The following GDNF variants were observed in gnomAD, a reference collection of about 807,000 sequenced individuals.
GDNF encodes glial cell line-derived neurotrophic factor.
In GDNF, 5 loss-of-function variants were observed where a neutral mutation model predicts 13.7. That is an observed-to-expected ratio of 0.36 (90% CI 0.19 to 0.77). The LOEUF (loss-of-function observed/expected upper bound fraction) is 0.77. Ranked by LOEUF, GDNF falls within the 30% of genes least tolerant of loss-of-function variation. The probability of loss-of-function intolerance (pLI) is 0.51; values close to 1 mark genes in which losing one functional copy is unlikely to be tolerated. For missense variants in GDNF, 246 were observed against 274.3 expected (o/e 0.90, Z 0.73); for synonymous variants, 122 against 112.5 (o/e 1.08, Z -0.53).
rs1444904467 is a variant in GDNF, at chr5:37,813,887, A to C, written c.*1764T>G. On this transcript the variant is annotated 3_prime_UTR_variant, in exon 3 of 3. Transcript: ENST00000326524. ...CCGACCACCTTCATTTAAAGGCAGC[A>C]CGCTCCTAAGTATGAGGCTCCATGT... 1.3e-5 allele frequency: 2 copies of C among 152,940 alleles called. No homozygotes were observed. The highest frequency in any genetic ancestry group is 4.8e-5 in the African/African-American group (2 of 41,452). The allele number at this position is 152,940 out of a possible 1,614,324, so 9.5% of individuals were successfully genotyped here.
rs534435854 is a variant in GDNF at position 37,822,419 on chromosome 5, C to A, written c.152-6284G>T. Among the ~76,000 whole-genome samples, 4 of 152,266 alleles carry A rather than the reference C, an allele frequency of 2.6e-5. No individual in the cohort carries two copies. In the South Asian group the frequency reaches 8.3e-4, roughly 32 times the overall value. On this transcript the variant is annotated intron_variant, in intron 2 of 2. Transcript: ENST00000326524. ...CCATAGGGGTGAGCTGCTGCCTGAG[C>A]CAAGGCCACACAAGTGAGAGATACA...
At chr5:37,832,653 C>T (rs1200036393) in intron 2 of GDNF, among the ~76,000 whole-genome samples, 3 of 152,156 alleles carry the variant, frequency 2.0e-5, no homozygotes, top group Admixed American at 2.0e-4. Context: ...TACAACATGC[C>T]CTTGTCCCTG....
At position 37,837,407 on chromosome 5, in the gene GDNF, G is replaced by A. The variant is rs1581594383; in HGVS notation, c.-27+2100C>T. On this transcript the variant is annotated intron_variant, in intron 1 of 2. Transcript: ENST00000326524. The surrounding 1 kb of genome is among the most constrained non-coding windows in gnomAD (Gnocchi z 6.5). ...GGCAAGCTGGTCCCCTTCTGGGTCC[G>A]GGACCACCACGTCCCGGCAGGGCAA... Among the ~76,000 whole-genome samples the A allele has an allele frequency of 6.6e-6, 1 of 151,870 alleles. No homozygotes were observed. Among genetic ancestry groups the A allele is most frequent in the East Asian group, 2.0e-4 (1 of 5,094 alleles).
chr5:37,834,982 C>T, intron 1 of GDNF, 160 bp from the exon 2 acceptor site: 1 of 639,330 alleles, frequency 1.6e-6, no homozygotes, highest in Admixed American at 2.9e-5. Context: ...CCTTGCAAGT[C>T]CCCAGTTCGC....
In GDNF at chr5:37,815,873, C is replaced by T; in HGVS notation, c.414G>A (p.Glu138=). 2 of 1,614,138 alleles carry T rather than the reference C, an allele frequency of 1.2e-6. No individual in the cohort carries two copies. Among genetic ancestry groups the T allele is most frequent in the Non-Finnish European group, 1.7e-6 (2 of 1,180,000 alleles). The change falls in exon 3 of 3, where the codon GAG becomes GAA. Residue 138 remains glutamate (E), a synonymous_variant. Coordinates refer to ENST00000326524, the MANE Select transcript of GDNF (RefSeq NM_000514.4). This position sits in a 1 kb window ranked among gnomAD's most constrained non-coding sequence, Gnocchi z 5.0. Reference sequence around the variant, plus strand: ...CGCTGCAGTACCTAAAAATCAGTTCCTCCTTGGTTTCATAGCCCAGACCCA... The same window carrying T: ...CGCTGCAGTACCTAAAAATCAGTTCTTCCTTGGTTTCATAGCCCAGACCCA... ...TDLGLGYETK[E]ELIFRYCSGS... is the part of the protein sequence containing the mutation.
In GDNF at chr5:37,838,734, A is replaced by C. The variant is rs1314885928; in HGVS notation, c.-27+773T>G. Reference sequence around the variant, plus strand: ...CGGAATTAGCCTCGAGGTGGTGTAAAGTAGTGGCAGTGGTGGTGGGGTGTT... The same window carrying C: ...CGGAATTAGCCTCGAGGTGGTGTAACGTAGTGGCAGTGGTGGTGGGGTGTT... On this transcript the variant is annotated intron_variant, in intron 1 of 2. Transcript: ENST00000326524. This position sits in a 1 kb window ranked among gnomAD's most constrained non-coding sequence, Gnocchi z 4.1. Among the ~76,000 whole-genome samples, 1 of 152,230 alleles carries C rather than the reference A, an allele frequency of 6.6e-6. No individual in the cohort carries two copies. The highest frequency in any genetic ancestry group is 1.5e-5 in the Non-Finnish European group (1 of 68,036).
Position 37,838,639 on chromosome 5 carries a change from C to G in GDNF, c.-27+868G>C, listed in dbSNP as rs1021207232. On this transcript the variant is annotated intron_variant, in intron 1 of 2. Transcript: ENST00000326524. This position sits in a 1 kb window ranked among gnomAD's most constrained non-coding sequence, Gnocchi z 4.1. ...GGGCCCCAGGAAGCTGGCGGGAACC[C>G]GCGAAAGTCCGTTTCCAGCCCGAAG... is the stretch of plus-strand genomic sequence containing the variant. 1.3e-5 allele frequency among the ~76,000 whole-genome samples: 2 copies of G among 152,186 alleles called. No homozygotes were observed. Among genetic ancestry groups the G allele is most frequent in the Non-Finnish European group, 2.9e-5 (2 of 68,038 alleles).
chr5:37,824,137 T>C (rs576324854), intron 2 of GDNF: 1 of 553,918 alleles, frequency 1.8e-6, no homozygotes, highest in South Asian at 7.8e-5. Flanking sequence ...TGTATCTGCA[T>C]ATGAAAGCAT....
In GDNF at chr5:37,838,987, G is replaced by T. The variant is rs546230069; in HGVS notation, c.-27+520C>A. Among the ~76,000 whole-genome samples the T allele has an allele frequency of 3.7e-4, 57 of 152,162 alleles. No homozygotes were observed. The highest frequency in any genetic ancestry group is 1.3e-3 in the Admixed American group (20 of 15,282). ...CTTTGCCAGACCTCGCCCGGAGGAG[G>T]TGAGCCCTCCATTTTTAGGTTCTCA... On this transcript the variant is annotated intron_variant, in intron 1 of 2. Coordinates refer to ENST00000326524, the MANE Select transcript of GDNF (RefSeq NM_000514.4). The surrounding 1 kb of genome is among the most constrained non-coding windows in gnomAD (Gnocchi z 4.1).
chr5:37,818,902 C>T (rs549026651), intron 2 of GDNF, among the ~76,000 whole-genome samples: 39 of 152,264 alleles, frequency 2.6e-4, no homozygotes, highest in Admixed American at 1.1e-3. Context: ...CCTCCCCAGC[C>T]CCTAATCCAG....
chr5:37,828,822 G>A (rs1034056556), intron 2 of GDNF, among the ~76,000 whole-genome samples: 5 of 152,236 alleles, frequency 3.3e-5, no homozygotes, highest in Non-Finnish European at 7.3e-5. Context: ...TTAATATTAA[G>A]TGTTTATTTG....
At chr5:37,830,611 C>T (rs1024914028) in intron 2 of GDNF, among the ~76,000 whole-genome samples, 7 of 152,242 alleles carry the variant, frequency 4.6e-5, no homozygotes, top group East Asian at 3.9e-4. Flanking sequence ...GATGTCGTAG[C>T]GGAAGAAGTG....
At position 37,837,753 on chromosome 5, in the gene GDNF, T is replaced by G; in HGVS notation, c.-27+1754A>C. On this transcript the variant is annotated intron_variant, in intron 1 of 2. Coordinates refer to ENST00000326524, the MANE Select transcript of GDNF (RefSeq NM_000514.4). This position sits in a 1 kb window ranked among gnomAD's most constrained non-coding sequence, Gnocchi z 6.5. ...GCTCCCACCCCTCCATTCTCGCTGG[T>G]TTTCCTCTCCCCACTTCACCTGAGC... Among the ~76,000 whole-genome samples, 1 of 152,114 alleles carries G rather than the reference T, an allele frequency of 6.6e-6. No homozygotes were observed. Among genetic ancestry groups the G allele is most frequent in the East Asian group, 1.9e-4 (1 of 5,174 alleles).
At chr5:37,825,533 G>A (rs959023322) in intron 2 of GDNF, among the ~76,000 whole-genome samples, 5 of 152,190 alleles carry the variant, frequency 3.3e-5, no homozygotes, top group Non-Finnish European at 2.9e-5. Context: ...GTCTGCTACT[G>A]CCCTTATAAA....
intron 2 of GDNF, among the ~76,000 whole-genome samples, chr5:37,828,798 C>T (rs1040412350): frequency 6.6e-6 from 1 of 152,222 alleles, no homozygotes; most frequent in Non-Finnish European, 1.5e-5. Context: ...TTAAAAGGTG[C>T]TAGGTCATTA....
chr5:37,832,583 G>C (rs1750558879), intron 2 of GDNF, among the ~76,000 whole-genome samples: 1 of 152,186 alleles, frequency 6.6e-6, no homozygotes, highest in African/African-American at 2.4e-5. Context: ...AGAGTAGTGA[G>C]AATCTTGTTC....
intron 2 of GDNF, among the ~76,000 whole-genome samples, chr5:37,825,971 A>C (rs1013091283): frequency 2.0e-5 from 3 of 152,206 alleles, no homozygotes; most frequent in Non-Finnish European, 2.9e-5. Flanking sequence ...TTATCATTCT[A>C]AAACAACTTT....
At chr5:37,826,741 T>C (rs189655461) in intron 2 of GDNF, among the ~76,000 whole-genome samples, 3 of 152,346 alleles carry the variant, frequency 2.0e-5, no homozygotes, top group African/African-American at 7.2e-5. Flanking sequence ...AATTTCCACA[T>C]GTGCCATGTC....
chr5:37,832,257 G>A (rs1165993428), intron 2 of GDNF, among the ~76,000 whole-genome samples: 1 of 152,234 alleles, frequency 6.6e-6, no homozygotes, highest in African/African-American at 2.4e-5. Context: ...TAAATGAAAT[G>A]TGGTGACTTA....
Sources: allele counts gnomAD v4.1 joint callset (sites outside exome capture counted in the v4.1 genomes callset), GRCh38; gene constraint gnomAD v4.1.1; non-coding constraint Gnocchi (gnomAD v3.1); transcripts MANE v1.5; gene names NCBI Gene and HGNC (gene_info 2026-07-23, HGNC 2026-07-21).